The following PCDHGA7 variants were observed in gnomAD, a reference collection of about 807,000 sequenced individuals.
PCDHGA7 encodes protocadherin gamma-A7.
In PCDHGA7, 44 loss-of-function variants were observed where a neutral mutation model predicts 58.3. The observed-to-expected ratio is 0.75, with a 90% CI of 0.59 to 0.97. The LOEUF is 0.97. Among genes scored for constraint, PCDHGA7 ranks in the 50% least tolerant of loss-of-function variants. The pLI, the probability that PCDHGA7 is intolerant of heterozygous loss-of-function variation, is 0.00. For synonymous variants in PCDHGA7, 516 were observed against 504.2 expected, an observed-to-expected ratio of 1.02 and a Z score of -0.31; for missense variants, 1,266 against 1,188.7, an observed-to-expected ratio of 1.06 and a Z score of -0.96.
chr5:141,489,096 ACT>A lies in PCDHGA7; in HGVS notation c.2425-5710_2425-5709del. The A allele has an allele frequency of 2.0e-6, 1 of 494,278 alleles. No individual in the cohort carries two copies. The allele number at this position is 494,278 out of a possible 1,614,324, so 30.6% of individuals were successfully genotyped here. A position where few individuals can be genotyped will look rare whatever the true frequency, so the allele number is the denominator to read the frequency against. ...CACCCCCGCCACTCGGTGACTAAGA[ACT>A]GCTGCAAGCAGGCAAACCTCCGAGC... On this transcript the variant is annotated intron_variant, in intron 1 of 3. Coordinates refer to ENST00000518325, the MANE Select transcript of PCDHGA7 (RefSeq NM_018920.4). The surrounding 1 kb of genome is among the most constrained non-coding windows in gnomAD (Gnocchi z 4.5).
At chr5:141,413,445 C>G (rs764464917) in intron 1 of PCDHGA7, 105 of 1,613,986 alleles carry the variant, frequency 6.5e-5, no homozygotes, top group Non-Finnish European at 8.5e-5. Context: ...GCTTGATCAC[C>G]GCGGGCAGGA....
At chr5:141,427,222 A>T (rs536161247) in intron 1 of PCDHGA7, 8 of 456,774 alleles carry the variant, frequency 1.8e-5, no homozygotes, top group Non-Finnish European at 3.5e-5. Flanking sequence ...CGTAGCAGTT[A>T]TACCATGAGA....
chr5:141,397,168 T>C (rs997043690), intron 1 of PCDHGA7, among the ~76,000 whole-genome samples: 3 of 152,202 alleles, frequency 2.0e-5, no homozygotes, highest in Non-Finnish European at 4.4e-5. Context: ...CCAATAACTC[T>C]TAAGAATGAA....
At position 141,385,163 on chromosome 5, in the gene PCDHGA7, A is replaced by G; in HGVS notation, c.2264A>G (p.His755Arg). ...GVQAFLQTYS[H>R]EVSLTADSRK... Reference sequence around the variant, plus strand: ...CAGGCTTTCCTGCAGACCTATTCCCATGAGGTCTCCCTCACCGCGGACTCT... The same window carrying G: ...CAGGCTTTCCTGCAGACCTATTCCCGTGAGGTCTCCCTCACCGCGGACTCT... Residue 755 changes from histidine to arginine, a missense_variant, in exon 1 of 4, where the codon CAT becomes CGT. Physicochemically the swap from His to Arg is conservative, Grantham distance 29. Transcript: ENST00000518325. 1 of 1,614,182 alleles carries G rather than the reference A, an allele frequency of 6.2e-7. No individual in the cohort carries two copies. The highest frequency in any genetic ancestry group is 1.7e-5 in the Admixed American group (1 of 60,024).
chr5:141,429,631 G>A (rs1272926056), intron 1 of PCDHGA7, among the ~76,000 whole-genome samples: 1 of 152,132 alleles, frequency 6.6e-6, no homozygotes, highest in Non-Finnish European at 1.5e-5. Context: ...TTTTCTCACA[G>A]CTACCTATAT....
intron 1 of PCDHGA7, chr5:141,422,386 A>G: frequency 1.3e-6 from 2 of 1,587,922 alleles, no homozygotes; most frequent in Non-Finnish European, 1.7e-6. Flanking sequence ...CTCCTGTTTT[A>G]TTCCTAACCA....
chr5:141,413,477 C>A, intron 1 of PCDHGA7: 1 of 1,614,100 alleles, frequency 6.2e-7, no homozygotes, highest in Non-Finnish European at 8.5e-7. Flanking sequence ...GAGCTCTGCG[C>A]TCAGAGCGCG....
At chr5:141,445,342 T>C (rs1026595756) in intron 1 of PCDHGA7, among the ~76,000 whole-genome samples, 4 of 152,202 alleles carry the variant, frequency 2.6e-5, no homozygotes, top group African/African-American at 9.6e-5. Flanking sequence ...ACAGTAAACA[T>C]TGGTGTCTGC....
intron 1 of PCDHGA7, among the ~76,000 whole-genome samples, chr5:141,439,279 CT>C (rs2098102664): frequency 6.6e-6 from 1 of 151,930 alleles, no homozygotes; most frequent in African/African-American, 2.4e-5. Flanking sequence ...CATTCTGAGA[CT>C]GTGTTCCATG....
chr5:141,490,549 C>T lies in PCDHGA7; in HGVS notation c.2425-4258C>T, dbSNP rs2099701539. ...TGCTGGTTCACCTTCCCTACACAAA[C>T]ATCTCACCATCAGGCTCAACATTTC... On this transcript the variant is annotated intron_variant, in intron 1 of 3. Transcript: ENST00000518325. The surrounding 1 kb of genome is among the most constrained non-coding windows in gnomAD (Gnocchi z 5.4). The T allele has an allele frequency of 1.9e-6, 3 of 1,614,178 alleles. No homozygotes were observed. The highest frequency in any genetic ancestry group is 1.7e-6 in the Non-Finnish European group (2 of 1,180,024).
chr5:141,422,406 T>C, intron 1 of PCDHGA7: 1 of 1,601,224 alleles, frequency 6.2e-7, no homozygotes, highest in South Asian at 1.1e-5. Context: ...ACCTGCCTTT[T>C]AAATTAGAAA....
rs934206266 is a variant in PCDHGA7, at chr5:141,483,131, G to A, written c.2425-11676G>A. Among the ~76,000 whole-genome samples, 14 of 152,274 alleles carry A rather than the reference G, an allele frequency of 9.2e-5. No individual in the cohort carries two copies. The South Asian group carries it at 2.9e-3, about 32-fold the overall frequency. On this transcript the variant is annotated intron_variant, in intron 1 of 3. Transcript: ENST00000518325. ...AACAGACAGTCTTTGTAGGAGATGA[G>A]GTGAAGCAAGTAGGCAGGAGTTAGA...
Position 141,384,517 on chromosome 5 carries a change from C to G in PCDHGA7, c.1618C>G (p.Pro540Ala). The change falls in exon 1 of 4, where the codon CCG (proline) becomes GCG (alanine). Residue 540 changes from proline to alanine, a missense_variant. Coordinates refer to ENST00000518325, the MANE Select transcript of PCDHGA7 (RefSeq NM_018920.4). ...AGTGACTGCACATGACAGCGGGGAC[C>G]CGCCTCTCAGCAGCAACATGTCACT... ...LRVTAHDSGD[P>A]PLSSNMSLSL... The G allele has an allele frequency of 6.2e-7, 1 of 1,614,192 alleles. No homozygotes were observed. The highest frequency in any genetic ancestry group is 1.1e-5 in the South Asian group (1 of 91,086).
chr5:141,425,845 GT>G (rs2096898477), intron 1 of PCDHGA7, among the ~76,000 whole-genome samples: 1 of 152,126 alleles, frequency 6.6e-6, no homozygotes, highest in Non-Finnish European at 1.5e-5. Context: ...TCTTTGCTGG[GT>G]TAATGACTGT....
chr5:141,428,304 G>C, intron 1 of PCDHGA7: 1 of 695,706 alleles, frequency 1.4e-6, no homozygotes, highest in South Asian at 1.6e-5. Flanking sequence ...AGATTTACCT[G>C]GTCGTGGCCT....
Position 141,384,446 on chromosome 5 carries a change from C to A in PCDHGA7, c.1547C>A (p.Ala516Glu), listed in dbSNP as rs781605513. 6.2e-7 allele frequency: 1 copy of A among 1,613,916 alleles called. No individual in the cohort carries two copies. Among genetic ancestry groups the A allele is most frequent in the African/African-American group, 1.3e-5 (1 of 74,946 alleles). The change falls in exon 1 of 4, where the codon GCG (alanine) becomes GAG (glutamate). Residue 516 changes from alanine to glutamate, a missense_variant. By Grantham distance (107) the Ala-to-Glu change is moderately radical. Transcript: ENST00000518325. ...AACTCTGACACTGGAGTCCTGTACG[C>A]GCTGCAATCCTTTGATTATGAGCAG... is the stretch of plus-strand genomic sequence containing the variant. The part of the protein sequence containing the change: ...SINSDTGVLY[A>E]LQSFDYEQLR...
At chr5:141,395,134 A>G (rs1468654358) in intron 1 of PCDHGA7, 7 of 1,614,062 alleles carry the variant, frequency 4.3e-6, no homozygotes, top group Middle Eastern at 1.6e-4. Flanking sequence ...CCCCAGCCCA[A>G]CTACGCAGAC....
At chr5:141,495,007 G>A in intron 2 of PCDHGA7, 142 bp downstream of exon 2, 4 of 1,522,158 alleles carry the variant, frequency 2.6e-6, no homozygotes, top group Non-Finnish European at 3.5e-6. Context: ...TTGGTGTGCG[G>A]GGGGCTGGCA....
chr5:141,412,930 C>A, intron 1 of PCDHGA7: 1 of 451,594 alleles, frequency 2.2e-6, no homozygotes, highest in Non-Finnish European at 3.9e-6. Context: ...GCAGTAACTT[C>A]TTAGGACTCT....
Sources: allele counts gnomAD v4.1 joint callset (sites outside exome capture counted in the v4.1 genomes callset), GRCh38; gene constraint gnomAD v4.1.1; non-coding constraint Gnocchi (gnomAD v3.1); transcripts MANE v1.5; gene names NCBI Gene and HGNC (gene_info 2026-07-23, HGNC 2026-07-21).